HLCS: variants seen among roughly 807,000 people sequenced by gnomAD.
The protein encoded by HLCS is holocarboxylase synthetase.
HLCS carries 53 observed loss-of-function variants against 75.0 expected under a neutral mutation model. The ratio of observed to expected loss-of-function variants is 0.71; its 90% CI spans 0.57 to 0.89. The LOEUF is 0.89. Among genes scored for constraint, HLCS ranks in the 40% least tolerant of loss-of-function variants. The pLI is 0.00. For synonymous variants in HLCS, 431 were observed against 428.6 expected, an observed-to-expected ratio of 1.01 and a Z score of -0.07; for missense variants, 966 against 1,074.0, an observed-to-expected ratio of 0.90 and a Z score of 1.41.
chr21:36,911,698 G>A (rs1224453969), intron 5 of HLCS, among the ~76,000 whole-genome samples: 3 of 137,616 alleles, frequency 2.2e-5, no homozygotes, highest in Admixed American at 7.9e-5. Context: ...GCAGTGAGCC[G>A]AGATCGCGCC....
rs547910225 is a variant in HLCS, at chr21:36,984,860, TTTTC to T, written c.-393+5294_-393+5297del. ...ATGTTCTGGAATGTTCCATTTTATA[TTTTC>T]TTTTTCTTGTTTTTTTTTTTTCATT... On this transcript the variant is annotated intron_variant, in intron 1 of 11. Coordinates refer to the HLCS transcript ENST00000336648. 5.1e-3 allele frequency among the ~76,000 whole-genome samples: 761 copies of T among 148,042 alleles called. 4 individuals carry two copies. Among genetic ancestry groups the T allele is most frequent in the African/African-American group, 0.018 (698 of 38,396 alleles).
chr21:36,948,626 A>T (rs1375587806), intron 2 of HLCS, among the ~76,000 whole-genome samples: 1 of 144,078 alleles, frequency 6.9e-6, no homozygotes, highest in Non-Finnish European at 1.5e-5. Flanking sequence ...CTACTTGGGA[A>T]GATTAGGTGG....
At chr21:36,835,070 C>T (rs564605544) in intron 6 of HLCS, among the ~76,000 whole-genome samples, 2 of 152,146 alleles carry the variant, frequency 1.3e-5, no homozygotes, top group Admixed American at 6.5e-5. Context: ...CACCCATTCC[C>T]CAATGTCCTG....
At chr21:36,985,319 C>G (rs1009427669) in intron 1 of HLCS, among the ~76,000 whole-genome samples, 3 of 152,256 alleles carry the variant, frequency 2.0e-5, no homozygotes, top group African/African-American at 7.2e-5. Flanking sequence ...CTTAGTCTTT[C>G]ATGACCTTGA....
intron 5 of HLCS, among the ~76,000 whole-genome samples, chr21:36,900,189 C>T (rs566553294): frequency 1.3e-5 from 2 of 151,950 alleles, no homozygotes; most frequent in South Asian, 4.1e-4. Context: ...GAGAGTAACA[C>T]GTACAAAGGA....
intron 6 of HLCS, among the ~76,000 whole-genome samples, chr21:36,780,242 C>T (rs2060485685): frequency 6.6e-6 from 1 of 152,028 alleles, no homozygotes; most frequent in Non-Finnish European, 1.5e-5. Context: ...TAGAGCTTTT[C>T]CTCATTTTTT....
At chr21:36,863,609 C>G (rs2063456599) in intron 6 of HLCS, among the ~76,000 whole-genome samples, 2 of 152,122 alleles carry the variant, frequency 1.3e-5, no homozygotes, top group Admixed American at 1.3e-4. Context: ...AAGGAAGGAA[C>G]GTGATTAGAT....
intron 6 of HLCS, among the ~76,000 whole-genome samples, chr21:36,823,784 A>G (rs1345679968): frequency 6.6e-6 from 1 of 152,130 alleles, no homozygotes; most frequent in African/African-American, 2.4e-5. Flanking sequence ...CTAGATAAGT[A>G]TTTCTCTGCA....
intron 5 of HLCS, among the ~76,000 whole-genome samples, chr21:36,914,467 G>A (rs1306829505): frequency 1.3e-5 from 2 of 152,174 alleles, no homozygotes; most frequent in East Asian, 1.9e-4. Flanking sequence ...TCTGTTAAGC[G>A]GTCTTCCTTT....
At chr21:36,799,700 T>TG (rs1034576270) in intron 6 of HLCS, among the ~76,000 whole-genome samples, 1 of 152,156 alleles carries the variant, frequency 6.6e-6, no homozygotes, top group Admixed American at 6.5e-5. Flanking sequence ...AACGAAGTGC[T>TG]GGGTCTCCCC....
chr21:36,904,561 C>A (rs2065371123), intron 5 of HLCS, among the ~76,000 whole-genome samples: 1 of 152,124 alleles, frequency 6.6e-6, no homozygotes, highest in Non-Finnish European at 1.5e-5. Context: ...ACCCATAATT[C>A]TCTTAAATAT....
intron 6 of HLCS, among the ~76,000 whole-genome samples, chr21:36,873,184 C>G (rs922805193): frequency 6.6e-6 from 1 of 151,900 alleles, no homozygotes; most frequent in African/African-American, 2.4e-5. Context: ...GTGGCACAAT[C>G]TCGACTCACT....
chr21:36,921,920 C>T (rs1870805746), intron 5 of HLCS, among the ~76,000 whole-genome samples: 1 of 152,228 alleles, frequency 6.6e-6, no homozygotes, highest in South Asian at 2.1e-4. Context: ...GACCACTCCA[C>T]AAAGGCACGT....
At position 36,756,678 on chromosome 21, in the gene HLCS, T is replaced by C. The variant is rs781552946; in HGVS notation, c.2314A>G (p.Lys772Glu). 1.9e-6 allele frequency: 3 copies of C among 1,614,070 alleles called. No homozygotes were observed. The highest frequency in any genetic ancestry group is 2.7e-5 in the African/African-American group (2 of 74,914). The part of the protein sequence containing the change: ...DLITEYNKQH[K>E]AELKPLRADY... ...GCTCTTAAGGGCTTCAGTTCTGCCT[T>C]GTGTTGTTTATTGTATTCTGTGATG... The change falls in exon 10 of 11, where the codon AAG becomes GAG. Residue 772 changes from lysine to glutamate, a missense_variant. Physicochemically the swap from Lys to Glu is moderately conservative, Grantham distance 56. Coordinates refer to ENST00000674895, the MANE Select transcript of HLCS (RefSeq NM_001352514.2).
At chr21:36,793,547 G>A (rs1429132327) in intron 6 of HLCS, among the ~76,000 whole-genome samples, 4 of 152,040 alleles carry the variant, frequency 2.6e-5, no homozygotes, top group South Asian at 2.1e-4. Context: ...TGATCCACCC[G>A]CCTCGGCCTC....
chr21:36,757,014 C>T, intron 9 of HLCS: 1 of 913,620 alleles, frequency 1.1e-6, no homozygotes, highest in South Asian at 5.0e-5. Flanking sequence ...AAGAAAGCCA[C>T]ATTTGATTCA....
At chr21:36,870,266 C>A (rs2063724714) in intron 6 of HLCS, among the ~76,000 whole-genome samples, 1 of 152,042 alleles carries the variant, frequency 6.6e-6, no homozygotes, top group African/African-American at 2.4e-5. Flanking sequence ...CCCCGGGAAC[C>A]TCATTGACAC....
In HLCS at chr21:36,792,041, C is replaced by T. The variant is rs186703179; in HGVS notation, c.1893-24756G>A. Among the ~76,000 whole-genome samples, 512 of 152,144 alleles carry T rather than the reference C, an allele frequency of 3.4e-3. 1 individual carries two copies. The highest frequency in any genetic ancestry group is 0.012 in the African/African-American group (491 of 41,508). The stretch of plus-strand genomic sequence containing the variant: ...GGCCAGCCACACAGACAGGAACAAG[C>T]GAGCTTTCAAACCTAGAAGGTGAGT... On this transcript the variant is annotated intron_variant, in intron 6 of 10. Coordinates refer to ENST00000674895, the MANE Select transcript of HLCS (RefSeq NM_001352514.2).
chr21:36,749,113 T>A lies in HLCS; in HGVS notation c.*5133A>T, dbSNP rs1261333528. 6.5e-6 allele frequency: 1 copy of A among 152,698 alleles called. No homozygotes were observed. The highest frequency in any genetic ancestry group is 1.5e-5 in the Non-Finnish European group (1 of 68,048). 9.5% of individuals were successfully genotyped at this position (152,698 alleles called of 1,614,324 possible). On this transcript the variant is annotated 3_prime_UTR_variant, in exon 11 of 11. Coordinates refer to ENST00000674895, the MANE Select transcript of HLCS (RefSeq NM_001352514.2). ...GCGAGAAAACTTCGTAAGAACATGT[T>A]ACGTGTGCAACAGGTAAACAGAAAT... is the stretch of plus-strand genomic sequence containing the variant.
Sources: allele counts gnomAD v4.1 joint callset (sites outside exome capture counted in the v4.1 genomes callset), GRCh38; gene constraint gnomAD v4.1.1; transcripts MANE v1.5; gene names NCBI Gene and HGNC (gene_info 2026-07-23, HGNC 2026-07-21).